PRKCH: variants seen among roughly 807,000 people sequenced by gnomAD.
The protein encoded by PRKCH is protein kinase C eta type.
PRKCH carries 28 observed loss-of-function variants against 82.5 expected under a neutral mutation model. The ratio of observed to expected loss-of-function variants is 0.34; its 90% CI spans 0.25 to 0.47. The LOEUF (loss-of-function observed/expected upper bound fraction) is 0.47, where lower values mean the gene tolerates loss of function less well. Among genes scored for constraint, PRKCH ranks in the 20% least tolerant of loss-of-function variants. The pLI, the probability that PRKCH is intolerant of heterozygous loss-of-function variation, is 1.00. For missense variants in PRKCH, 705 were observed against 881.8 expected (o/e 0.80, Z 2.54); for synonymous variants, 322 against 327.4 (o/e 0.98, Z 0.18).
In PRKCH at chr14:61,549,836, A is replaced by T; in HGVS notation, c.*5A>T. The T allele has an allele frequency of 6.2e-7, 1 of 1,613,112 alleles. No homozygotes were observed. The highest frequency in any genetic ancestry group is 2.2e-5 in the East Asian group (1 of 44,880). Reference sequence around the variant, plus strand: ...TCTCCAGAATTGCAACCATAGCCTTATGGGGAGTGAGAGAGAGGGCACGAG... The same window carrying T: ...TCTCCAGAATTGCAACCATAGCCTTTTGGGGAGTGAGAGAGAGGGCACGAG... On this transcript the variant is annotated 3_prime_UTR_variant, in exon 14 of 14. Coordinates refer to ENST00000332981, the MANE Select transcript of PRKCH (RefSeq NM_006255.5).
intron 9 of PRKCH, among the ~76,000 whole-genome samples, chr14:61,464,780 T>C (rs1885180614): frequency 6.6e-6 from 1 of 152,224 alleles, no homozygotes; most frequent in Non-Finnish European, 1.5e-5. Flanking sequence ...CTTTATCCAG[T>C]CTGTCATTGA....
intron 1 of PRKCH, among the ~76,000 whole-genome samples, chr14:61,334,258 A>G (rs976184096): frequency 6.6e-6 from 1 of 152,156 alleles, no homozygotes; most frequent in African/African-American, 2.4e-5. Context: ...CAGAGAACGC[A>G]AGACCCAGCA....
At chr14:61,385,524 G>A (rs774911783) in intron 1 of PRKCH, among the ~76,000 whole-genome samples, 1 of 152,166 alleles carries the variant, frequency 6.6e-6, no homozygotes, top group Non-Finnish European at 1.5e-5. Flanking sequence ...TTCTCAGAGC[G>A]CCCATGTATT....
chr14:61,521,554 T>TTTTTA (rs1337426746), intron 10 of PRKCH, among the ~76,000 whole-genome samples: 1 of 151,410 alleles, frequency 6.6e-6, no homozygotes, highest in Non-Finnish European at 1.5e-5. Flanking sequence ...TTTTCTAATC[T>TTTTTA]TTTTATTTTA....
rs564696255 is a variant in PRKCH, at chr14:61,290,184, C to T, written c.-19+102516C>T. Among the ~76,000 whole-genome samples, 39 of 151,574 alleles carry T rather than the reference C, an allele frequency of 2.6e-4. 1 individual carries two copies. The Middle Eastern group carries it at 0.02, about 79-fold the overall frequency. ...GCGGGCACATGTAGTCCTAGCTACT[C>T]GGAAGGCTGAGGCAGGAGAATTGCT... On this transcript the variant is annotated intron_variant, in intron 1 of 3. Coordinates refer to the PRKCH transcript ENST00000555185.
chr14:61,280,915 A>G lies in PRKCH; in HGVS notation c.-19+93247A>G. The stretch of plus-strand genomic sequence containing the variant: ...CCGGCCCTGGCCAGCCGCGGCGCAC[A>G]CCGAGCAGTTACCGGTGCCCGGGTC... On this transcript the variant is annotated intron_variant, in intron 1 of 3. Coordinates refer to the PRKCH transcript ENST00000555185. This position sits in a 1 kb window ranked among gnomAD's most constrained non-coding sequence, Gnocchi z 5.0. 6.5e-7 allele frequency: 1 copy of G among 1,546,020 alleles called. No individual in the cohort carries two copies.
chr14:61,198,150 G>A (rs956534089), intron 1 of PRKCH, among the ~76,000 whole-genome samples: 6 of 138,430 alleles, frequency 4.3e-5, no homozygotes, highest in East Asian at 2.1e-4. Flanking sequence ...ACTAGTTTCC[G>A]AGACTTCATG....
At position 61,374,399 on chromosome 14, in the gene PRKCH, A is replaced by G. The variant is rs562449762; in HGVS notation, c.364-16826A>G. On this transcript the variant is annotated intron_variant, in intron 1 of 13. Transcript: ENST00000332981. ...CACAGCTCCACTAGGTAGTGCCCCA[A>G]TGGGGACTCTGTGTGGGGGTTTCAG... Among the ~76,000 whole-genome samples, 28 of 152,234 alleles carry G rather than the reference A, an allele frequency of 1.8e-4. No individual in the cohort carries two copies. The South Asian group carries it at 5.0e-3, about 27-fold the overall frequency.
Position 61,322,060 on chromosome 14 carries a change from C to G in PRKCH, c.-42C>G. On this transcript the variant is annotated 5_prime_UTR_variant, in exon 1 of 14. Coordinates refer to ENST00000332981, the MANE Select transcript of PRKCH (RefSeq NM_006255.5). ...GACGGGACTCCCGGTTCTCCCGCTG[C>G]GAAGCAGCGCGGCCCCCCGGGGCCG... is the stretch of plus-strand genomic sequence containing the variant. The G allele has an allele frequency of 6.7e-7, 1 of 1,495,784 alleles. No individual in the cohort carries two copies. Among genetic ancestry groups the G allele is most frequent in the Non-Finnish European group, 8.9e-7 (1 of 1,117,864 alleles). 92.7% of individuals were successfully genotyped at this position (1,495,784 alleles called of 1,614,324 possible).
chr14:61,218,312 T>C (rs1302376870), intron 1 of PRKCH, among the ~76,000 whole-genome samples: 1 of 152,086 alleles, frequency 6.6e-6, no homozygotes, highest in Non-Finnish European at 1.5e-5. Flanking sequence ...CCCTATACCC[T>C]CTTCAACACT....
At chr14:61,437,003 C>T (rs1883710334) in intron 2 of PRKCH, among the ~76,000 whole-genome samples, 1 of 152,376 alleles carries the variant, frequency 6.6e-6, no homozygotes, top group Non-Finnish European at 1.5e-5. Flanking sequence ...ATATCTGCAA[C>T]TCCTGTGATT....
chr14:61,492,113 A>G (rs1378422501), intron 10 of PRKCH: 1 of 152,278 alleles, frequency 6.6e-6, no homozygotes, highest in Non-Finnish European at 1.5e-5. Context: ...GAGTGTGGCA[A>G]GGTCAGGGGT....
intron 6 of PRKCH, among the ~76,000 whole-genome samples, chr14:61,452,513 T>C (rs998337049): frequency 6.6e-6 from 1 of 152,226 alleles, no homozygotes; most frequent in Non-Finnish European, 1.5e-5. Context: ...GATCCTTCAT[T>C]GTCCCCAGGC....
At chr14:61,461,999 A>C (rs1326737564) in intron 9 of PRKCH, among the ~76,000 whole-genome samples, 1 of 152,222 alleles carries the variant, frequency 6.6e-6, no homozygotes, top group Admixed American at 6.5e-5. Flanking sequence ...AAGGCATGGA[A>C]CTGCCATTGC....
chr14:61,428,718 C>T (rs144465745), intron 2 of PRKCH, among the ~76,000 whole-genome samples: 88 of 152,214 alleles, frequency 5.8e-4, no homozygotes, highest in African/African-American at 2.0e-3. Context: ...CCCTTAAACA[C>T]CAAAAATGCT....
intron 9 of PRKCH, among the ~76,000 whole-genome samples, chr14:61,471,962 T>A (rs1289740376): frequency 1.3e-5 from 2 of 152,246 alleles, no homozygotes; most frequent in African/African-American, 4.8e-5. Context: ...ACCTTCTTTA[T>A]GAAAATATAA....
At chr14:61,276,409 G>A (rs1244268825) in intron 1 of PRKCH, among the ~76,000 whole-genome samples, 1 of 151,248 alleles carries the variant, frequency 6.6e-6, no homozygotes, top group Non-Finnish European at 1.5e-5. Flanking sequence ...AGGCTGAAGT[G>A]CAGTGGCATG....
Position 61,202,870 on chromosome 14 carries a change from C to T in PRKCH, c.-19+15202C>T, listed in dbSNP as rs8013036. Among the ~76,000 whole-genome samples the T allele has an allele frequency of 5.0e-3, 755 of 151,924 alleles. 15 individuals carry two copies. The highest frequency in any genetic ancestry group is 0.017 in the African/African-American group (699 of 41,400). Reference sequence around the variant, plus strand: ...TTATATTGATGAGCCAATATGAATACATTATCATGAACCAAAGTTCATGGC... The same window carrying T: ...TTATATTGATGAGCCAATATGAATATATTATCATGAACCAAAGTTCATGGC... On this transcript the variant is annotated intron_variant, in intron 1 of 3. Transcript: ENST00000555185.
intron 1 of PRKCH, among the ~76,000 whole-genome samples, chr14:61,289,344 A>G (rs1359479090): frequency 6.6e-6 from 1 of 152,198 alleles, no homozygotes; most frequent in East Asian, 1.9e-4. Context: ...CATCCTTAAA[A>G]GGCAAGGAGT....
Sources: gnomAD v4.1 joint callset for allele counts (sites outside exome capture counted in the v4.1 genomes callset) on GRCh38, gnomAD v4.1.1 for gene constraint, Gnocchi (gnomAD v3.1) non-coding constraint, MANE v1.5 for transcripts, NCBI Gene and HGNC (gene_info 2026-07-23, HGNC 2026-07-21) for gene names.